SRGAP3: variants seen among roughly 807,000 people sequenced by gnomAD.
SRGAP3 encodes SLIT-ROBO Rho GTPase-activating protein 3.
A neutral mutation model predicts 121.1 loss-of-function variants in SRGAP3; 39 were observed. The observed-to-expected ratio is 0.32, with a 90% CI of 0.25 to 0.42. SRGAP3 has a LOEUF of 0.42. SRGAP3 is among the 10% of genes least tolerant of loss of function. SRGAP3 has a pLI of 1.00. For synonymous variants in SRGAP3, 601 were observed against 570.0 expected, an observed-to-expected ratio of 1.05 and a Z score of -0.77; for missense variants, 1,213 against 1,470.6, an observed-to-expected ratio of 0.82 and a Z score of 2.86.
At position 9,139,417 on chromosome 3, in the gene SRGAP3, A is replaced by G. The variant is rs1949773704; in HGVS notation, c.68-14500T>C. Among the ~76,000 whole-genome samples the G allele has an allele frequency of 1.3e-5, 2 of 152,206 alleles. 1 individual carries two copies. Among genetic ancestry groups the G allele is most frequent in the South Asian group, 4.1e-4 (2 of 4,830 alleles). The stretch of plus-strand genomic sequence containing the variant: ...GTCCTTACAGGAGAGAGAGGGGAAA[A>G]AAAAGAAGATTTGTCACAGAAGAGG... On this transcript the variant is annotated intron_variant, in intron 1 of 21. Coordinates refer to ENST00000383836, the MANE Select transcript of SRGAP3 (RefSeq NM_014850.4).
intron 17 of SRGAP3, among the ~76,000 whole-genome samples, chr3:9,011,399 G>A (rs575140629): frequency 6.6e-6 from 1 of 152,290 alleles, no homozygotes; most frequent in South Asian, 2.1e-4. Flanking sequence ...CAAACTCAAT[G>A]GCTTCCAAGA....
rs17050212 is a variant in SRGAP3, at chr3:9,281,427, A to C, written n.442+44583T>G. ...AGGAGATAATGTGGACTCCTGGTTA[A>C]GGCTACTGGCTATGGAGAAGAACAA... On this transcript the variant is annotated intron_variant and non_coding_transcript_variant, in intron 3 of 3. Coordinates refer to the SRGAP3 transcript ENST00000490889. Among the ~76,000 whole-genome samples, 1,341 of 152,286 alleles carry C rather than the reference A, an allele frequency of 8.8e-3. 5 individuals are homozygous for C. The highest frequency in any genetic ancestry group is 0.015 in the Non-Finnish European group (1,004 of 68,018).
At chr3:8,988,319 C>T (rs1397844598) in intron 21 of SRGAP3, among the ~76,000 whole-genome samples, 4 of 152,292 alleles carry the variant, frequency 2.6e-5, no homozygotes, top group East Asian at 3.9e-4. Flanking sequence ...TTGGGTCACT[C>T]GGCCTACTAC....
chr3:9,191,291 G>A (rs1951746706), intron 1 of SRGAP3, among the ~76,000 whole-genome samples: 1 of 152,216 alleles, frequency 6.6e-6, no homozygotes, highest in Non-Finnish European at 1.5e-5. Flanking sequence ...AAAGGAATAT[G>A]CTGCCCAAAT....
Position 9,286,793 on chromosome 3 carries a change from G to A in SRGAP3, n.442+39217C>T, listed in dbSNP as rs369060186. On this transcript the variant is annotated intron_variant and non_coding_transcript_variant, in intron 3 of 3. Coordinates refer to the SRGAP3 transcript ENST00000490889. ...AATTTTTCGTATTTTTAGTAGAGAC[G>A]GGGTCTCACTGTGTTAGCCAGGATG... 9.5e-4 allele frequency among the ~76,000 whole-genome samples: 143 copies of A among 151,056 alleles called. No individual in the cohort carries two copies. In the South Asian group the frequency reaches 0.016, roughly 17 times the overall value.
intron 1 of SRGAP3, among the ~76,000 whole-genome samples, chr3:9,222,368 G>T (rs984364147): frequency 6.6e-6 from 1 of 152,154 alleles, no homozygotes; most frequent in African/African-American, 2.4e-5. Flanking sequence ...GGGCTCCCTG[G>T]CCCTCCTTCC....
intron 3 of SRGAP3, among the ~76,000 whole-genome samples, chr3:9,276,968 A>C (rs1954594924): frequency 6.6e-6 from 1 of 152,224 alleles, no homozygotes; most frequent in South Asian, 2.1e-4. Flanking sequence ...CTTAACCAGC[A>C]CGTTTGGGTT....
At chr3:9,152,660 A>T (rs1412679099) in intron 1 of SRGAP3, among the ~76,000 whole-genome samples, 3 of 152,176 alleles carry the variant, frequency 2.0e-5, no homozygotes, top group Non-Finnish European at 4.4e-5. Context: ...TTCCATCACC[A>T]GGAGGAGAGG....
chr3:9,006,398 C>CAAA (rs71049762), intron 18 of SRGAP3, among the ~76,000 whole-genome samples: 33 of 122,976 alleles, frequency 2.7e-4, no homozygotes, highest in South Asian at 5.2e-4. Flanking sequence ...GACTCTGTCT[C>CAAA]AAAAAAAAAA....
intron 18 of SRGAP3, among the ~76,000 whole-genome samples, chr3:9,001,067 T>C (rs1315437737): frequency 6.6e-6 from 1 of 152,180 alleles, no homozygotes; most frequent in Non-Finnish European, 1.5e-5. Flanking sequence ...AGAATACTGC[T>C]TGTCAGAGGC....
intron 5 of SRGAP3, among the ~76,000 whole-genome samples, chr3:9,063,251 C>T (rs1946262655): frequency 6.6e-6 from 1 of 151,290 alleles, no homozygotes; most frequent in Admixed American, 6.6e-5. Flanking sequence ...ACCTCAGCCT[C>T]CCAAGTGGCT....
intron 13 of SRGAP3, 89 bp downstream of exon 13, chr3:9,026,846 C>T: frequency 6.9e-7 from 1 of 1,458,602 alleles, no homozygotes; most frequent in Non-Finnish European, 9.6e-7. Flanking sequence ...GGAAGTCTTC[C>T]AGGACAAATT....
intron 3 of SRGAP3, among the ~76,000 whole-genome samples, chr3:9,089,859 T>C (rs941397171): frequency 6.6e-6 from 1 of 152,142 alleles, no homozygotes; most frequent in East Asian, 1.9e-4. Context: ...GCTAAGCCAA[T>C]GAAGAATCTT....
intron 3 of SRGAP3, among the ~76,000 whole-genome samples, chr3:9,085,935 C>T (rs1453746026): frequency 1.3e-5 from 2 of 152,148 alleles, no homozygotes; most frequent in Non-Finnish European, 2.9e-5. Flanking sequence ...ATGTAACAAA[C>T]CTGTACATCC....
intron 3 of SRGAP3, among the ~76,000 whole-genome samples, chr3:9,093,121 C>T (rs1229621217): frequency 1.3e-5 from 2 of 152,168 alleles, no homozygotes; most frequent in Admixed American, 1.3e-4. Flanking sequence ...GAGAGGCTTT[C>T]TCCCTCTCTA....
chr3:9,053,943 C>T (rs774538269), intron 8 of SRGAP3, among the ~76,000 whole-genome samples: 2 of 152,168 alleles, frequency 1.3e-5, no homozygotes, highest in African/African-American at 2.4e-5. Flanking sequence ...GGAAAAACTG[C>T]CTCCAGTGTT....
intron 3 of SRGAP3, among the ~76,000 whole-genome samples, chr3:9,262,350 C>T (rs1313930024): frequency 6.6e-6 from 1 of 151,822 alleles, no homozygotes; most frequent in Non-Finnish European, 1.5e-5. Flanking sequence ...ATCAAATTCA[C>T]ACATAACAAT....
At chr3:9,193,877 C>G (rs931376711) in intron 1 of SRGAP3, 2 of 152,342 alleles carry the variant, frequency 1.3e-5, no homozygotes, top group African/African-American at 4.8e-5. Context: ...CAACCCCAAA[C>G]AGCAGCGCAG....
At position 9,032,747 on chromosome 3, in the gene SRGAP3, G is replaced by C. The variant is rs1391999614; in HGVS notation, c.1442C>G (p.Pro481Arg). ...ERAECGTTRP[P>R]CLPPKPQKMR... is the part of the protein sequence containing the mutation. ...TTTCTGTGGTTTAGGGGGAAGACAG[G>C]GGGGCCTAGGGGAAAACGGAACAAA... is the stretch of plus-strand genomic sequence containing the variant. The change falls in exon 12 of 22, where the codon CCC becomes CGC. Residue 481 changes from proline (P) to arginine (R), a missense_variant. This residue lies in a region of SRGAP3 where 793 missense variants were observed against 1,032.9 expected (regional missense o/e 0.77). Transcript: ENST00000383836. The C allele has an allele frequency of 6.2e-7, 1 of 1,613,138 alleles. No individual in the cohort carries two copies.
Sources: allele counts gnomAD v4.1 joint callset (sites outside exome capture counted in the v4.1 genomes callset), GRCh38; gene constraint gnomAD v4.1.1; regional missense constraint gnomAD v4.1.1; transcripts MANE v1.5; gene names NCBI Gene and HGNC (gene_info 2026-07-23, HGNC 2026-07-21).